The following STK38 variants were observed in gnomAD, a reference collection of about 807,000 sequenced individuals.
The protein encoded by STK38 is serine/threonine kinase 38, also known as serine/threonine-protein kinase 38.
In STK38, 26 loss-of-function variants were observed where a neutral mutation model predicts 59.0. That is an observed-to-expected ratio of 0.44 (90% CI 0.32 to 0.61). STK38 has a LOEUF of 0.61. STK38 is among the 20% of genes least tolerant of loss of function. STK38 has a pLI of 0.04. For synonymous variants in STK38, 175 were observed against 176.6 expected, an observed-to-expected ratio of 0.99 and a Z score of 0.07; for missense variants, 433 against 566.0, an observed-to-expected ratio of 0.76 and a Z score of 2.38.
intron 5 of STK38, 54 bp downstream of exon 5, chr6:36,521,679 AG>A: frequency 7.4e-7 from 1 of 1,356,906 alleles, no homozygotes; most frequent in Non-Finnish European, 1.0e-6. Context: ...CAAAAAGAAA[AG>A]TTTTAGGAGA....
At position 36,521,779 on chromosome 6, in the gene STK38, A is replaced by G; in HGVS notation, c.345T>C (p.Tyr115=). 1 of 1,611,944 alleles carries G rather than the reference A, an allele frequency of 6.2e-7. No homozygotes were observed. Among genetic ancestry groups the G allele is most frequent in the Non-Finnish European group, 8.5e-7 (1 of 1,179,626 alleles). ...LVQKKDTGHV[Y]AMKILRKADM... ...CTGCTTTACGGAGTATTTTCATTGC[A>G]TACACATGTCCCGTATCTTTCTTCT... Residue 115 remains tyrosine, a synonymous_variant, in exon 5 of 14, where the codon TAT becomes TAC. Coordinates refer to ENST00000229812, the MANE Select transcript of STK38 (RefSeq NM_007271.4).
At chr6:36,508,763 G>C (rs1777030221) in intron 7 of STK38, among the ~76,000 whole-genome samples, 1 of 152,224 alleles carries the variant, frequency 6.6e-6, no homozygotes, top group Admixed American at 6.5e-5. Context: ...AGTGAGTGCG[G>C]GGTCCAGCCA....
intron 9 of STK38, among the ~76,000 whole-genome samples, chr6:36,500,685 G>A (rs1015688098): frequency 1.3e-4 from 19 of 150,576 alleles, no homozygotes; most frequent in African/African-American, 3.9e-4. Context: ...GCTTGAACCC[G>A]GGAGGCGGAG....
chr6:36,511,605 C>T (rs1777110299), intron 7 of STK38, among the ~76,000 whole-genome samples: 1 of 151,602 alleles, frequency 6.6e-6, no homozygotes, highest in South Asian at 2.1e-4. Flanking sequence ...ATCCACCCAC[C>T]TCGGCCTCCC....
chr6:36,528,308 C>G (rs1279892772), intron 2 of STK38, among the ~76,000 whole-genome samples: 3 of 152,082 alleles, frequency 2.0e-5, no homozygotes, highest in Non-Finnish European at 4.4e-5. Flanking sequence ...TAATGAGGAT[C>G]TGATGGACTG....
chr6:36,527,292 A>G (rs1289412527), intron 2 of STK38, among the ~76,000 whole-genome samples: 1 of 145,740 alleles, frequency 6.9e-6, no homozygotes, highest in Non-Finnish European at 1.5e-5. Context: ...ATATACATAT[A>G]CACATATGTA....
chr6:36,495,932 G>A lies in STK38; in HGVS notation c.1268-18C>T, dbSNP rs1389228818. On this transcript the variant is annotated intron_variant, in intron 13 of 13. Coordinates refer to ENST00000229812, the MANE Select transcript of STK38 (RefSeq NM_007271.4). ...TGTGGCCACTGGGAAAGAAATAGATGTGAGAGTTGATTCACTGCCTTGCCT... is the reference window on the plus strand; with the variant it reads ...TGTGGCCACTGGGAAAGAAATAGATATGAGAGTTGATTCACTGCCTTGCCT... The A allele has an allele frequency of 6.2e-7, 1 of 1,613,002 alleles. No individual in the cohort carries two copies.
intron 1 of STK38, among the ~76,000 whole-genome samples, chr6:36,541,974 A>G (rs9470309): frequency 0.43 from 65,035 of 151,258 alleles, 15,513 homozygotes; most frequent in African/African-American, 0.62. Flanking sequence ...GATGACAGGC[A>G]CCAGCCACTG....
At chr6:36,531,296 A>C (rs1479354045) in intron 2 of STK38, among the ~76,000 whole-genome samples, 1 of 152,230 alleles carries the variant, frequency 6.6e-6, no homozygotes, top group Non-Finnish European at 1.5e-5. Context: ...ATTTGGGAAG[A>C]AAAAAGCTTA....
At chr6:36,517,487 T>G (rs984260037) in intron 6 of STK38, among the ~76,000 whole-genome samples, 1 of 152,150 alleles carries the variant, frequency 6.6e-6, no homozygotes, top group Non-Finnish European at 1.5e-5. Flanking sequence ...GAAAGAAATG[T>G]CCATCTGAAA....
chr6:36,496,819 ACATG>A lies in STK38; in HGVS notation c.1173-18_1173-15del. On this transcript the variant is annotated splice_polypyrimidine_tract_variant and intron_variant, in intron 12 of 13. Transcript: ENST00000229812. ...GCAGGTCTCTCTCTGCCAAGAATAC[ACATG>A]CCAAAAATTACTAAGTTAGTAATCA... The A allele has an allele frequency of 6.3e-7, 1 of 1,589,966 alleles. No homozygotes were observed. Among genetic ancestry groups the A allele is most frequent in the Non-Finnish European group, 8.6e-7 (1 of 1,160,460 alleles).
intron 2 of STK38, among the ~76,000 whole-genome samples, chr6:36,531,691 G>A (rs3798472): frequency 0.24 from 36,230 of 152,108 alleles, 4,556 homozygotes; most frequent in East Asian, 0.39. Flanking sequence ...AGCACTGTGT[G>A]ATGGACACTA....
chr6:36,546,565 G>A (rs761811718), intron 1 of STK38, among the ~76,000 whole-genome samples: 9 of 152,166 alleles, frequency 5.9e-5, no homozygotes, highest in Non-Finnish European at 1.2e-4. Context: ...TGAGAGATCT[G>A]GTCTCTCTGC....
chr6:36,527,981 C>T (rs1041239636), intron 2 of STK38, among the ~76,000 whole-genome samples: 4 of 151,148 alleles, frequency 2.6e-5, no homozygotes, highest in African/African-American at 9.7e-5. Context: ...TAGTGGCCGG[C>T]GCCTGTAGTC....
chr6:36,503,450 T>TGTGTG lies in STK38; in HGVS notation c.834+3132_834+3133insCACAC, dbSNP rs560345828. Among the ~76,000 whole-genome samples, 595 of 131,382 alleles carry TGTGTG rather than the reference T, an allele frequency of 4.5e-3. 2 individuals are homozygous for TGTGTG. Among genetic ancestry groups the TGTGTG allele is most frequent in the African/African-American group, 0.016 (561 of 34,152 alleles). 86.2% of individuals were successfully genotyped at this position (131,382 alleles called of 152,430 possible). A position where few individuals can be genotyped will look rare whatever the true frequency, so the allele number is the denominator to read the frequency against. The stretch of plus-strand genomic sequence containing the variant: ...GCTAAGTGTGTGTGTGTGTGTGTGT[T>TGTGTG]TGTGTGTGTATGATATATATTTAAA... On this transcript the variant is annotated intron_variant, in intron 9 of 13. Transcript: ENST00000229812.
At chr6:36,514,108 C>T (rs1210722263) in intron 7 of STK38, among the ~76,000 whole-genome samples, 1 of 146,642 alleles carries the variant, frequency 6.8e-6, no homozygotes, top group East Asian at 2.1e-4. Flanking sequence ...TGAGCCGAGA[C>T]TGCCCTAGTG....
intron 2 of STK38, among the ~76,000 whole-genome samples, chr6:36,531,135 C>G (rs1777657822): frequency 6.6e-6 from 1 of 152,234 alleles, no homozygotes; most frequent in Admixed American, 6.5e-5. Context: ...AAAACTGACA[C>G]TGGATCACTA....
Position 36,496,813 on chromosome 6 carries a change from G to C in STK38, c.1173-8C>G, listed in dbSNP as rs1776716092. The stretch of plus-strand genomic sequence containing the variant: ...ATTGCAGCAGGTCTCTCTCTGCCAA[G>C]AATACACATGCCAAAAATTACTAAG... On this transcript the variant is annotated splice_polypyrimidine_tract_variant and splice_region_variant and intron_variant, in intron 12 of 13. Transcript: ENST00000229812. The C allele has an allele frequency of 3.1e-6, 5 of 1,598,188 alleles. No homozygotes were observed.
At chr6:36,514,791 T>A (rs1220649433) in intron 7 of STK38, among the ~76,000 whole-genome samples, 18 of 142,716 alleles carry the variant, frequency 1.3e-4, no homozygotes, top group Non-Finnish European at 3.0e-5. Context: ...GAGGTTGCAG[T>A]GAGCTAAGAT....
Sources: allele counts gnomAD v4.1 joint callset (sites outside exome capture counted in the v4.1 genomes callset), GRCh38; gene constraint gnomAD v4.1.1; transcripts MANE v1.5; gene names NCBI Gene and HGNC (gene_info 2026-07-23, HGNC 2026-07-21).